Variants in STAM observed in about 807,000 individuals in gnomAD.
The protein encoded by STAM is signal transducing adaptor molecule, also known as signal transducing adapter molecule 1.
Under a neutral mutation model 63.4 loss-of-function variants are expected in STAM, and 16 were observed. That is an observed-to-expected ratio of 0.25 (90% confidence interval 0.17 to 0.38). The LOEUF (loss-of-function observed/expected upper bound fraction) is 0.38, where lower values mean the gene tolerates loss of function less well. Ranked by LOEUF, STAM falls within the 10% of genes least tolerant of loss-of-function variation. The pLI is 1.00. For synonymous variants in STAM, 238 were observed against 223.9 expected (o/e 1.06, Z -0.56); for missense variants, 636 against 657.1 (o/e 0.97, Z 0.35).
Position 17,694,230 on chromosome 10 carries a change from T to C in STAM, c.536-819T>C, listed in dbSNP as rs1346075388. 2.6e-5 allele frequency among the ~76,000 whole-genome samples: 4 copies of C among 152,284 alleles called. No individual in the cohort carries two copies. The East Asian group carries it at 7.7e-4, about 29-fold the overall frequency. ...TTTGATAATGGTGTATTTTATCAAG[T>C]AGAAATTTTAAGTTTTGTGAAGGCC... On this transcript the variant is annotated intron_variant, in intron 6 of 13. Coordinates refer to ENST00000377524, the MANE Select transcript of STAM (RefSeq NM_003473.4).
chr10:17,709,039 A>G, intron 13 of STAM, 88 bp downstream of exon 13: 1 of 1,467,948 alleles, frequency 6.8e-7, no homozygotes, highest in East Asian at 2.3e-5. Flanking sequence ...AAATCTGGCT[A>G]ATAAATATCT....
intron 1 of STAM, among the ~76,000 whole-genome samples, chr10:17,648,871 A>G (rs146020314): frequency 1.3e-5 from 2 of 152,308 alleles, no homozygotes; most frequent in Non-Finnish European, 2.9e-5. Flanking sequence ...GTGGCTCACA[A>G]TATGGCTTCT....
intron 12 of STAM, among the ~76,000 whole-genome samples, 192 bp downstream of exon 12, chr10:17,705,933 T>TG (rs1391772552): frequency 2.7e-5 from 4 of 150,034 alleles, no homozygotes; most frequent in African/African-American, 9.8e-5. Context: ...TTAGCCAGGC[T>TG]GGGGCATGTT....
chr10:17,654,672 A>G (rs782367018), intron 1 of STAM, among the ~76,000 whole-genome samples: 1 of 152,210 alleles, frequency 6.6e-6, no homozygotes, highest in Non-Finnish European at 1.5e-5. Flanking sequence ...ATTATTTTCA[A>G]GGGATTTACA....
At chr10:17,658,017 G>A (rs980094693) in intron 1 of STAM, among the ~76,000 whole-genome samples, 11 of 151,648 alleles carry the variant, frequency 7.3e-5, no homozygotes, top group Non-Finnish European at 7.4e-5. Flanking sequence ...GCTTAGTTTG[G>A]ATTTAATTTG....
intron 8 of STAM, among the ~76,000 whole-genome samples, chr10:17,698,285 C>T (rs1389649432): frequency 1.3e-5 from 2 of 152,040 alleles, no homozygotes; most frequent in African/African-American, 4.8e-5. Context: ...TTTTAATAAC[C>T]TGGGCTGGTA....
At chr10:17,672,928 C>G (rs1834700696) in intron 2 of STAM, 1 of 582,352 alleles carries the variant, frequency 1.7e-6, no homozygotes, top group African/African-American at 2.0e-5. Flanking sequence ...TTTCCCTGTT[C>G]TTTGTCCCTG....
At chr10:17,649,865 A>C (rs1833668299) in intron 1 of STAM, among the ~76,000 whole-genome samples, 1 of 152,170 alleles carries the variant, frequency 6.6e-6, no homozygotes, top group African/African-American at 2.4e-5. Flanking sequence ...TGCCTGCCTC[A>C]GCCTCCCAAA....
intron 5 of STAM, among the ~76,000 whole-genome samples, chr10:17,691,536 G>C (rs2131646464): frequency 6.6e-6 from 1 of 151,736 alleles, no homozygotes; most frequent in East Asian, 1.9e-4. Flanking sequence ...ATAAATAAAT[G>C]CCTGTGCATT....
intron 1 of STAM, among the ~76,000 whole-genome samples, chr10:17,659,120 T>C (rs971002914): frequency 1.8e-4 from 28 of 152,080 alleles, no homozygotes; most frequent in Non-Finnish European, 1.3e-4. Flanking sequence ...AAAATCTTTT[T>C]TTTTTAGTAA....
At chr10:17,708,452 T>A (rs907887686) in intron 12 of STAM, among the ~76,000 whole-genome samples, 1 of 152,220 alleles carries the variant, frequency 6.6e-6, no homozygotes, top group Non-Finnish European at 1.5e-5. Flanking sequence ...CCTTTGGGAT[T>A]CCTTAAAAAA....
intron 1 of STAM, among the ~76,000 whole-genome samples, chr10:17,657,746 A>G (rs936138011): frequency 6.6e-6 from 1 of 152,114 alleles, no homozygotes; most frequent in East Asian, 1.9e-4. Flanking sequence ...TTGTGGGCAT[A>G]GAGTTGTTCA....
Position 17,660,527 on chromosome 10 carries a change from A to C in STAM, c.104A>C (p.Lys35Thr). Residue 35 changes from lysine (K) to threonine (T), a missense_variant, in exon 2 of 14, where the codon AAA becomes ACA. Lys to Thr is a moderately conservative substitution (Grantham distance 78). Around this residue, in one of 3 missense-constraint regions of STAM, gnomAD observed 87 missense variants for 80.3 expected, o/e 1.08. Transcript: ENST00000377524. ...DWGLILDICDKVGQSRTGPKD... is the reference protein window; with the variant it reads ...DWGLILDICDTVGQSRTGPKD... ...GGCCTCATTTTGGATATCTGTGATA[A>C]AGTTGGTCAGTCTCGCACTGGGTAA... 6.2e-7 allele frequency: 1 copy of C among 1,605,354 alleles called. No homozygotes were observed. The highest frequency in any genetic ancestry group is 2.3e-5 in the East Asian group (1 of 44,094).
In STAM at chr10:17,651,064, C is replaced by CA. The variant is rs10606057; in HGVS notation, c.40+6712dup. Among the ~76,000 whole-genome samples the CA allele has an allele frequency of 9.7e-3, 539 of 55,698 alleles. 20 individuals are homozygous for CA. The highest frequency in any genetic ancestry group is 0.012 in the East Asian group (17 of 1,438). 36.5% of individuals were successfully genotyped at this position (55,698 alleles called of 152,430 possible). On this transcript the variant is annotated intron_variant, in intron 1 of 13. Coordinates refer to ENST00000377524, the MANE Select transcript of STAM (RefSeq NM_003473.4). ...TTGGTGACAGAGCGAGAGTCCGTCT[C>CA]AAAAAAAAAAAAAAAAAAAAAAAAA...
Position 17,704,508 on chromosome 10 carries a change from T to A in STAM, c.990T>A (p.Leu330=), listed in dbSNP as rs1836164507. The change falls in exon 10 of 14, where the codon CTT becomes CTA. Residue 330 remains leucine (L), a synonymous_variant. Coordinates refer to ENST00000377524, the MANE Select transcript of STAM (RefSeq NM_003473.4). ...ATCAGCCAGACCTACCAGAGCTGCT[T>A]CATCTTGAAGGTAAAACTTTTCTAT... is the stretch of plus-strand genomic sequence containing the variant. ...SDDQPDLPEL[L]HLEAMCHQMG... is the part of the protein sequence containing the mutation. 2 of 1,614,076 alleles carry A rather than the reference T, an allele frequency of 1.2e-6. No homozygotes were observed. Among genetic ancestry groups the A allele is most frequent in the African/African-American group, 2.7e-5 (2 of 75,066 alleles).
chr10:17,683,451 T>A (rs2131629444), intron 2 of STAM, among the ~76,000 whole-genome samples: 1 of 152,294 alleles, frequency 6.6e-6, no homozygotes, highest in East Asian at 1.9e-4. Flanking sequence ...TGTGAGCTGC[T>A]GCACCCAAGC....
At chr10:17,712,616 G>A (rs1836606991) in intron 13 of STAM, among the ~76,000 whole-genome samples, 1 of 152,172 alleles carries the variant, frequency 6.6e-6, no homozygotes, top group South Asian at 2.1e-4. Flanking sequence ...AAATTTGGCA[G>A]TTGCTTTTTA....
chr10:17,654,291 C>T (rs144852125), intron 1 of STAM, among the ~76,000 whole-genome samples: 190 of 152,154 alleles, frequency 1.2e-3, no homozygotes, highest in African/African-American at 4.4e-3. Flanking sequence ...GGCATGATCT[C>T]AGCTCACTGC....
intron 1 of STAM, among the ~76,000 whole-genome samples, chr10:17,654,172 A>G (rs565598412): frequency 6.6e-6 from 1 of 152,222 alleles, no homozygotes; most frequent in African/African-American, 2.4e-5. Context: ...GGGTTTCTGC[A>G]TTTGAAAGTT....
Sources: allele counts gnomAD v4.1 joint callset (sites outside exome capture counted in the v4.1 genomes callset), GRCh38; gene constraint gnomAD v4.1.1; regional missense constraint gnomAD v4.1.1; transcripts MANE v1.5; gene names NCBI Gene and HGNC (gene_info 2026-07-23, HGNC 2026-07-21).